Variants in MCTP1 observed in about 807,000 individuals in gnomAD.
MCTP1 encodes the protein multiple C2 and transmembrane domain containing 1, also known as multiple C2 and transmembrane domain-containing protein 1.
In MCTP1, 69 loss-of-function variants were observed where a neutral mutation model predicts 120.6. The ratio of observed to expected loss-of-function variants is 0.57; its 90% CI spans 0.47 to 0.70. MCTP1 has a LOEUF of 0.70. Ranked by LOEUF, MCTP1 falls within the 30% of genes least tolerant of loss-of-function variation. MCTP1 has a pLI of 0.00. For missense variants in MCTP1, 1,203 were observed against 1,248.8 expected (o/e 0.96, Z 0.55); for synonymous variants, 529 against 493.1 (o/e 1.07, Z -0.96).
At position 94,784,176 on chromosome 5, in the gene MCTP1, C is replaced by T. The variant is rs907875099; in HGVS notation, c.2557-5013G>A. Reference sequence around the variant, plus strand: ...TTGTACAGATGCTTATATTTGGATACGTTGCAAACTAAATGCCTATTTCTA... The same window carrying T: ...TTGTACAGATGCTTATATTTGGATATGTTGCAAACTAAATGCCTATTTCTA... On this transcript the variant is annotated intron_variant, in intron 18 of 22. Transcript: ENST00000515393. 6.6e-5 allele frequency among the ~76,000 whole-genome samples: 10 copies of T among 152,006 alleles called. No individual in the cohort carries two copies. In the South Asian group the frequency reaches 1.4e-3, roughly 22 times the overall value.
intron 1 of MCTP1, among the ~76,000 whole-genome samples, chr5:95,278,261 G>A (rs1439300799): frequency 6.6e-6 from 1 of 152,138 alleles, no homozygotes; most frequent in Non-Finnish European, 1.5e-5. Flanking sequence ...GGCACATAAA[G>A]TTAATGATGT....
intron 1 of MCTP1, chr5:95,081,325 C>T: frequency 2.1e-6 from 2 of 941,790 alleles, no homozygotes; most frequent in South Asian, 1.6e-5. Context: ...ACCTTCAATA[C>T]CCCGTGAGAA....
chr5:95,117,128 CAT>C (rs1421503916), intron 1 of MCTP1, among the ~76,000 whole-genome samples: 7 of 152,030 alleles, frequency 4.6e-5, no homozygotes, highest in East Asian at 1.9e-4. Context: ...AGCCAACAAA[CAT>C]ATGAAAAAAA....
At chr5:94,964,513 C>T (rs182605535) in intron 2 of MCTP1, among the ~76,000 whole-genome samples, 15 of 152,180 alleles carry the variant, frequency 9.9e-5, no homozygotes, top group Admixed American at 3.9e-4. Flanking sequence ...AATATTTGCC[C>T]TATATTTGTA....
intron 19 of MCTP1, among the ~76,000 whole-genome samples, chr5:94,775,642 G>A (rs748345450): frequency 4.3e-4 from 65 of 152,056 alleles, no homozygotes; most frequent in Non-Finnish European, 6.8e-4. Flanking sequence ...TTTAATTCAG[G>A]AAAAATGTCA....
intron 11 of MCTP1, among the ~76,000 whole-genome samples, chr5:94,890,401 T>A (rs932181996): frequency 2.0e-5 from 3 of 152,198 alleles, no homozygotes; most frequent in Non-Finnish European, 4.4e-5. Context: ...TTTTTTCTAC[T>A]ATTTTCCTCT....
chr5:94,928,535 C>T (rs142053413), intron 6 of MCTP1, among the ~76,000 whole-genome samples: 230 of 152,062 alleles, frequency 1.5e-3, no homozygotes, highest in African/African-American at 5.1e-3. Flanking sequence ...CTTCTGTTGC[C>T]CAAGTTTAAG....
intron 1 of MCTP1, among the ~76,000 whole-genome samples, chr5:95,083,330 G>C (rs2152327171): frequency 6.6e-6 from 1 of 152,224 alleles, no homozygotes; most frequent in African/African-American, 2.4e-5. Flanking sequence ...CATATGCAAT[G>C]CTATGAAACA....
At chr5:94,938,063 C>G (rs1816646782) in intron 5 of MCTP1, among the ~76,000 whole-genome samples, 1 of 152,044 alleles carries the variant, frequency 6.6e-6, no homozygotes, top group Non-Finnish European at 1.5e-5. Flanking sequence ...TCTGACAGTT[C>G]TAATCCAAAC....
At chr5:95,167,977 A>G (rs1489213951) in intron 1 of MCTP1, among the ~76,000 whole-genome samples, 1 of 152,178 alleles carries the variant, frequency 6.6e-6, no homozygotes, top group African/African-American at 2.4e-5. Context: ...GCCCATGCCT[A>G]TGTCCTGAAT....
At chr5:95,149,447 TG>T (rs1760695129) in intron 1 of MCTP1, among the ~76,000 whole-genome samples, 1 of 152,096 alleles carries the variant, frequency 6.6e-6, no homozygotes, top group African/African-American at 2.4e-5. Flanking sequence ...AATACGGAGC[TG>T]TGCCCACCCA....
intron 17 of MCTP1, among the ~76,000 whole-genome samples, chr5:94,832,257 C>T (rs542695242): frequency 8.6e-6 from 1 of 116,822 alleles, no homozygotes; most frequent in Non-Finnish European, 2.3e-5. Context: ...TTGTTCTAAA[C>T]TAGATTAAGA....
chr5:95,034,499 G>A (rs530533844), intron 1 of MCTP1, among the ~76,000 whole-genome samples: 10 of 152,066 alleles, frequency 6.6e-5, no homozygotes, highest in East Asian at 3.9e-4. Flanking sequence ...GATAAATAGT[G>A]CTGGGAAAAC....
intron 1 of MCTP1, among the ~76,000 whole-genome samples, chr5:95,130,086 G>A (rs1758931961): frequency 6.6e-6 from 1 of 151,992 alleles, no homozygotes; most frequent in African/African-American, 2.4e-5. Context: ...ATCACCCCCT[G>A]TCCCCCAGCT....
intron 1 of MCTP1, among the ~76,000 whole-genome samples, chr5:95,076,376 T>A (rs972599493): frequency 6.6e-6 from 1 of 152,010 alleles, no homozygotes; most frequent in African/African-American, 2.4e-5. Context: ...GTGAAAATTT[T>A]CCAGGTGGAT....
At chr5:95,199,966 G>A (rs766618886) in intron 1 of MCTP1, among the ~76,000 whole-genome samples, 1 of 151,958 alleles carries the variant, frequency 6.6e-6, no homozygotes, top group Non-Finnish European at 1.5e-5. Flanking sequence ...TTCAAGATCA[G>A]CCTGGCCAAC....
At chr5:95,038,613 G>A (rs1273936082) in intron 1 of MCTP1, among the ~76,000 whole-genome samples, 1 of 152,072 alleles carries the variant, frequency 6.6e-6, no homozygotes, top group African/African-American at 2.4e-5. Context: ...CATCATGGAA[G>A]GCATATTAGT....
intron 19 of MCTP1, chr5:94,739,125 G>A (rs1764933448): frequency 6.6e-6 from 1 of 152,184 alleles, no homozygotes; most frequent in Non-Finnish European, 1.5e-5. Context: ...AATTTGGCAA[G>A]GATTTGTCTA....
intron 1 of MCTP1, among the ~76,000 whole-genome samples, chr5:95,244,888 A>G (rs1756579963): frequency 6.6e-6 from 1 of 152,078 alleles, no homozygotes; most frequent in African/African-American, 2.4e-5. Context: ...TGCCTCCTCA[A>G]GTGTCGCCTG....
Sources: allele counts gnomAD v4.1 joint callset (sites outside exome capture counted in the v4.1 genomes callset), GRCh38; gene constraint gnomAD v4.1.1; transcripts MANE v1.5; gene names NCBI Gene and HGNC (gene_info 2026-07-23, HGNC 2026-07-21).